GRID2: variants seen among roughly 807,000 people sequenced by gnomAD.
GRID2 encodes the protein glutamate ionotropic receptor delta type subunit 2.
In GRID2, 33 loss-of-function variants were observed where a neutral mutation model predicts 114.8. The observed-to-expected ratio is 0.29, with a 90% confidence interval of 0.22 to 0.38. The LOEUF (loss-of-function observed/expected upper bound fraction) is 0.38. Ranked by LOEUF, GRID2 falls within the 10% of genes least tolerant of loss-of-function variation. The probability of loss-of-function intolerance (pLI) is 1.00; values close to 1 mark genes in which losing one functional copy is unlikely to be tolerated. For synonymous variants in GRID2, 505 were observed against 449.9 expected (o/e 1.12, Z -1.55); for missense variants, 1,184 against 1,257.7 (o/e 0.94, Z 0.89).
intron 2 of GRID2, among the ~76,000 whole-genome samples, chr4:92,660,170 A>T (rs1018548250): frequency 6.6e-6 from 1 of 151,350 alleles, no homozygotes; most frequent in Non-Finnish European, 1.5e-5. Flanking sequence ...TCATGCAAGT[A>T]TATGTGGAAG....
chr4:93,133,150 G>GCT (rs757984022), intron 4 of GRID2, among the ~76,000 whole-genome samples: 19 of 151,592 alleles, frequency 1.3e-4, no homozygotes, highest in Non-Finnish European at 2.5e-4. Flanking sequence ...GCACGTTCTC[G>GCT]CTCTCTCTCG....
At chr4:92,572,109 A>C (rs1727655677) in intron 1 of GRID2, among the ~76,000 whole-genome samples, 1 of 152,100 alleles carries the variant, frequency 6.6e-6, no homozygotes, top group African/African-American at 2.4e-5. Flanking sequence ...GTTTTTTGAA[A>C]AGATCAACAA....
At chr4:93,376,275 C>T (rs1046121929) in intron 8 of GRID2, among the ~76,000 whole-genome samples, 1 of 152,006 alleles carries the variant, frequency 6.6e-6, no homozygotes, top group Admixed American at 6.6e-5. Context: ...AAAAAGGAGA[C>T]AAACATTATA....
In GRID2 at chr4:92,982,242, T is replaced by C. The variant is rs185709023; in HGVS notation, c.245-102753T>C. 7.2e-5 allele frequency among the ~76,000 whole-genome samples: 11 copies of C among 152,088 alleles called. No individual in the cohort carries two copies. The East Asian group carries it at 1.9e-3, about 27-fold the overall frequency. On this transcript the variant is annotated intron_variant, in intron 2 of 15. Transcript: ENST00000282020. Reference sequence around the variant, plus strand: ...GTGTCAAATTCAGAGTTGTCTACAGTAACATTAGCTCTTGATATTTGTGAT... The same window carrying C: ...GTGTCAAATTCAGAGTTGTCTACAGCAACATTAGCTCTTGATATTTGTGAT...
intron 1 of GRID2, among the ~76,000 whole-genome samples, chr4:92,309,187 G>A (rs1725571876): frequency 6.6e-6 from 1 of 151,926 alleles, no homozygotes; most frequent in Admixed American, 6.6e-5. Context: ...GAAATTGTTA[G>A]GAGTGATGGA....
chr4:93,116,626 G>A (rs972813822), intron 4 of GRID2, among the ~76,000 whole-genome samples: 2 of 151,998 alleles, frequency 1.3e-5, no homozygotes, highest in Non-Finnish European at 2.9e-5. Context: ...TGTTTCTGGT[G>A]CATCCTTAAA....
chr4:92,517,746 C>G (rs766486378), intron 1 of GRID2, among the ~76,000 whole-genome samples: 1 of 151,784 alleles, frequency 6.6e-6, no homozygotes, highest in African/African-American at 2.4e-5. Context: ...ATGAAAAGTA[C>G]TTTTAAGGAA....
At chr4:92,393,550 C>T (rs1227115356) in intron 1 of GRID2, among the ~76,000 whole-genome samples, 2 of 152,100 alleles carry the variant, frequency 1.3e-5, no homozygotes, top group East Asian at 1.9e-4. Flanking sequence ...ATGTGGCATA[C>T]AGTTAATTAT....
intron 14 of GRID2, among the ~76,000 whole-genome samples, chr4:93,725,506 G>T (rs1276034307): frequency 3.9e-5 from 6 of 151,916 alleles, no homozygotes; most frequent in African/African-American, 1.5e-4. Flanking sequence ...CCCAGTAATG[G>T]GATGGCTGGG....
intron 2 of GRID2, among the ~76,000 whole-genome samples, chr4:92,667,515 C>A (rs1732848718): frequency 6.6e-6 from 1 of 151,558 alleles, no homozygotes; most frequent in African/African-American, 2.4e-5. Context: ...TTACTATTTT[C>A]TGTTCATTTA....
intron 1 of GRID2, among the ~76,000 whole-genome samples, chr4:92,411,649 GTGTGTGTATA>G (rs1268359850): frequency 4.2e-5 from 4 of 94,922 alleles, no homozygotes; most frequent in Non-Finnish European, 8.4e-5. Flanking sequence ...GTGTGTGTGT[GTGTGTGTATA>G]TATATATATA....
intron 1 of GRID2, among the ~76,000 whole-genome samples, chr4:92,392,680 G>A (rs1165673919): frequency 6.6e-6 from 1 of 151,950 alleles, no homozygotes; most frequent in Non-Finnish European, 1.5e-5. Context: ...ATGAAAATTA[G>A]AAAAATAACA....
rs548196101 is a variant in GRID2 at position 93,441,768 on chromosome 4, G to T, written c.1546-13894G>T. Among the ~76,000 whole-genome samples, 3 of 152,056 alleles carry T rather than the reference G, an allele frequency of 2.0e-5. No homozygotes were observed. In the South Asian group the frequency reaches 6.2e-4, roughly 32 times the overall value. On this transcript the variant is annotated intron_variant, in intron 10 of 15. Transcript: ENST00000282020. Reference sequence around the variant, plus strand: ...CATTTGGGTACTTCAGATTTCAGTTGTTCTAAGTCTCAATGATCCTGAGTT... The same window carrying T: ...CATTTGGGTACTTCAGATTTCAGTTTTTCTAAGTCTCAATGATCCTGAGTT...
chr4:93,163,004 T>G (rs981058626), intron 4 of GRID2, among the ~76,000 whole-genome samples: 1 of 151,966 alleles, frequency 6.6e-6, no homozygotes, highest in Non-Finnish European at 1.5e-5. Context: ...TGAATCTGCT[T>G]CTTTCTGTTT....
At chr4:93,077,237 A>C (rs541286371) in intron 2 of GRID2, among the ~76,000 whole-genome samples, 1 of 152,310 alleles carries the variant, frequency 6.6e-6, no homozygotes, top group East Asian at 1.9e-4. Context: ...GAGATGGAGG[A>C]GCATGGGAAA....
chr4:93,145,807 C>G (rs1736169358), intron 4 of GRID2, among the ~76,000 whole-genome samples: 1 of 151,312 alleles, frequency 6.6e-6, no homozygotes, highest in South Asian at 2.1e-4. Flanking sequence ...CTGGTCTACT[C>G]TTAATGGATG....
At chr4:92,833,035 A>G (rs1742225029) in intron 2 of GRID2, among the ~76,000 whole-genome samples, 1 of 152,164 alleles carries the variant, frequency 6.6e-6, no homozygotes. Flanking sequence ...TTAATAAGGC[A>G]TGTCCAACAG....
intron 10 of GRID2, among the ~76,000 whole-genome samples, chr4:93,438,231 A>G (rs1721291374): frequency 6.6e-6 from 1 of 151,886 alleles, no homozygotes; most frequent in Non-Finnish European, 1.5e-5. Flanking sequence ...ATGTGTAGAT[A>G]AATAATTAAA....
chr4:93,672,538 C>T (rs1033688672), intron 14 of GRID2, among the ~76,000 whole-genome samples: 27 of 152,210 alleles, frequency 1.8e-4, no homozygotes, highest in Admixed American at 1.6e-3. Flanking sequence ...TACTTTCACC[C>T]TGTGCTACAC....
Sources: gnomAD v4.1 joint callset for allele counts (sites outside exome capture counted in the v4.1 genomes callset) on GRCh38, gnomAD v4.1.1 for gene constraint, MANE v1.5 for transcripts, NCBI Gene and HGNC (gene_info 2026-07-23, HGNC 2026-07-21) for gene names.